The following UNC13A variants were observed in gnomAD, a reference collection of about 807,000 sequenced individuals.
The protein encoded by UNC13A is unc-13 homolog A, also known as protein unc-13 homolog A.
In UNC13A, 61 loss-of-function variants were observed where a neutral mutation model predicts 219.7. That is an observed-to-expected ratio of 0.28 (90% CI 0.23 to 0.34). The LOEUF is 0.34. UNC13A is among the 10% of genes least tolerant of loss of function. UNC13A has a pLI of 1.00. For synonymous variants in UNC13A, 920 were observed against 884.6 expected (o/e 1.04, Z -0.71); for missense variants, 1,476 against 2,270.3 (o/e 0.65, Z 7.11).
At chr19:17,623,742 C>T (rs2076754466) in intron 35 of UNC13A, among the ~76,000 whole-genome samples, 195 bp from the exon 36 acceptor site, 1 of 152,032 alleles carries the variant, frequency 6.6e-6, no homozygotes, top group African/African-American at 2.4e-5. Flanking sequence ...GGCCCCCGCT[C>T]ACCCTCCCCA....
chr19:17,637,264 T>C (rs2145028485), intron 25 of UNC13A, among the ~76,000 whole-genome samples: 1 of 151,584 alleles, frequency 6.6e-6, no homozygotes, highest in South Asian at 2.1e-4. Context: ...TGTGAGCCAC[T>C]GAGCCCAGCC....
intron 9 of UNC13A, 80 bp from the exon 10 acceptor site, chr19:17,656,478 C>T (rs2079456819): frequency 1.5e-6 from 2 of 1,342,684 alleles, no homozygotes; most frequent in East Asian, 2.5e-5. Flanking sequence ...GGCATTGACT[C>T]ATCACCGACT....
At position 17,673,797 on chromosome 19, in the gene UNC13A, G is replaced by C. The variant is rs150222646; in HGVS notation, c.152+860C>G. On this transcript the variant is annotated intron_variant, in intron 3 of 43. Coordinates refer to ENST00000519716, the MANE Select transcript of UNC13A (RefSeq NM_001080421.3). ...AGGCTGAGGTGGGCGGATCACCTGA[G>C]TCCAGGAGTTTGAGACTAGCCTGGC... Among the ~76,000 whole-genome samples, 383 of 152,070 alleles carry C rather than the reference G, an allele frequency of 2.5e-3. 4 individuals are homozygous for C. The highest frequency in any genetic ancestry group is 8.7e-3 in the African/African-American group (362 of 41,478).
chr19:17,640,071 G>A (rs1180885493), intron 22 of UNC13A, among the ~76,000 whole-genome samples, 163 bp from the exon 23 acceptor site: 1 of 151,212 alleles, frequency 6.6e-6, no homozygotes. Context: ...GTCTTGCTCT[G>A]TTGCCCAGGC....
At chr19:17,658,370 G>A (rs1337674421) in intron 8 of UNC13A, 101 bp from the exon 9 acceptor site, 3 of 1,169,372 alleles carry the variant, frequency 2.6e-6, no homozygotes, top group South Asian at 1.4e-5. Context: ...TACCGAAGAA[G>A]AGAATTTTTT....
rs960542188 is a variant in UNC13A at position 17,626,480 on chromosome 19, C to T, written c.4073+153G>A. 26 of 769,120 alleles carry T rather than the reference C, an allele frequency of 3.4e-5. No individual in the cohort carries two copies. The Middle Eastern group carries it at 1.2e-3, about 35-fold the overall frequency. The allele number at this position is 769,120 out of a possible 1,614,324, so 47.6% of individuals were successfully genotyped here. On this transcript the variant is annotated intron_variant, in intron 34 of 43. Transcript: ENST00000519716. ...CCAATTATTTACCCACCCAACTTTCCATCCCCTTCATGCCACCATCTACTC... is the reference window on the plus strand; with the variant it reads ...CCAATTATTTACCCACCCAACTTTCTATCCCCTTCATGCCACCATCTACTC...
At chr19:17,631,760 T>A (rs1160554912) in intron 28 of UNC13A, among the ~76,000 whole-genome samples, 2 of 152,198 alleles carry the variant, frequency 1.3e-5, no homozygotes, top group African/African-American at 2.4e-5. Flanking sequence ...TTATTTATTT[T>A]TTGAAATGGA....
intron 9 of UNC13A, among the ~76,000 whole-genome samples, 190 bp downstream of exon 9, chr19:17,657,867 TAAAAA>T (rs971430450): frequency 8.2e-6 from 1 of 121,582 alleles, no homozygotes; most frequent in African/African-American, 3.2e-5. Context: ...AGACTCTGTC[TAAAAA>T]AAAAAGAAAA....
chr19:17,614,903 T>C (rs919810488), intron 41 of UNC13A, among the ~76,000 whole-genome samples: 2 of 152,036 alleles, frequency 1.3e-5, no homozygotes, highest in African/African-American at 4.8e-5. Flanking sequence ...CCAGGGGGAA[T>C]TGGACAGTGG....
At chr19:17,650,374 C>T (rs1259205305) in intron 12 of UNC13A, among the ~76,000 whole-genome samples, 1 of 151,886 alleles carries the variant, frequency 6.6e-6, no homozygotes, top group African/African-American at 2.4e-5. Flanking sequence ...ATTAGCCAGG[C>T]ATGGTAGTGC....
intron 39 of UNC13A, among the ~76,000 whole-genome samples, 171 bp downstream of exon 39, chr19:17,618,735 C>G (rs2076694560): frequency 6.6e-6 from 1 of 152,174 alleles, no homozygotes; most frequent in Non-Finnish European, 1.5e-5. Context: ...TCACATCTTT[C>G]TGACACACTG....
chr19:17,609,155 A>C (rs2076574858), intron 43 of UNC13A, among the ~76,000 whole-genome samples: 1 of 139,382 alleles, frequency 7.2e-6, no homozygotes, highest in African/African-American at 2.7e-5. Flanking sequence ...TTTTTAGTAG[A>C]GACGGGGTTT....
Position 17,640,643 on chromosome 19 carries a change from G to T in UNC13A, c.2655C>A (p.Ser885=). Residue 885 remains serine (S), a synonymous_variant, in exon 22 of 44, where the codon TCC becomes TCA. Transcript: ENST00000519716. ...GCACCCCTGGGCACATATACTTGGA[G>T]GAGAGGCAGGCAAAGTGGCTGGAGA... is the stretch of plus-strand genomic sequence containing the variant. ...YQAMTHFACL[S]SKYMCPGVPA... 1 of 1,591,328 alleles carries T rather than the reference G, an allele frequency of 6.3e-7. No homozygotes were observed. The highest frequency in any genetic ancestry group is 1.2e-5 in the South Asian group (1 of 86,820).
At chr19:17,638,859 C>G (rs2076938475) in intron 25 of UNC13A, among the ~76,000 whole-genome samples, 1 of 151,866 alleles carries the variant, frequency 6.6e-6, no homozygotes, top group South Asian at 2.1e-4. Flanking sequence ...TTATGCCAAA[C>G]TCAACTACGC....
chr19:17,620,821 G>T, intron 37 of UNC13A, 99 bp from the exon 38 acceptor site: 2 of 1,393,740 alleles, frequency 1.4e-6, no homozygotes, highest in Non-Finnish European at 2.0e-6. Flanking sequence ...TCACTTCCCA[G>T]CCCAGGAGCT....
chr19:17,661,908 G>A (rs952318021), intron 8 of UNC13A, among the ~76,000 whole-genome samples: 1 of 151,914 alleles, frequency 6.6e-6, no homozygotes, highest in Admixed American at 6.6e-5. Context: ...TCACATTACC[G>A]CCTGAGTTCC....
At chr19:17,634,427 C>T (rs1000630274) in intron 26 of UNC13A, among the ~76,000 whole-genome samples, 5 of 152,072 alleles carry the variant, frequency 3.3e-5, no homozygotes, top group African/African-American at 1.2e-4. Flanking sequence ...CAACCTCCAC[C>T]ACCCGGGCTC....
At chr19:17,685,167 G>A (rs12985016) in intron 1 of UNC13A, among the ~76,000 whole-genome samples, 15,505 of 151,946 alleles carry the variant, frequency 0.1, 980 homozygotes, top group South Asian at 0.24. Flanking sequence ...ATATGTATGG[G>A]TACATGTCTG....
In UNC13A at chr19:17,647,471, T is replaced by C; in HGVS notation, c.1838A>G (p.Lys613Arg). ...CLQRAAEKSS[K>R]HGAEDRTQNI... Reference sequence around the variant, plus strand: ...CTGTGTCCGGTCCTCCGCCCCGTGCTTGGAGCTCTTCTCCGCAGCCCCTGA... The same window carrying C: ...CTGTGTCCGGTCCTCCGCCCCGTGCCTGGAGCTCTTCTCCGCAGCCCCTGA... The change falls in exon 17 of 44, where the codon AAG becomes AGG. Residue 613 changes from lysine to arginine, a missense_variant. This residue lies in a region of UNC13A where 85 missense variants were observed against 211.5 expected (regional missense o/e 0.40). Coordinates refer to ENST00000519716, the MANE Select transcript of UNC13A (RefSeq NM_001080421.3). 4 of 1,613,030 alleles carry C rather than the reference T, an allele frequency of 2.5e-6. No homozygotes were observed. Among genetic ancestry groups the C allele is most frequent in the Non-Finnish European group, 3.4e-6 (4 of 1,179,712 alleles).
Sources: allele counts gnomAD v4.1 joint callset (sites outside exome capture counted in the v4.1 genomes callset), GRCh38; gene constraint gnomAD v4.1.1; regional missense constraint gnomAD v4.1.1; transcripts MANE v1.5; gene names NCBI Gene and HGNC (gene_info 2026-07-23, HGNC 2026-07-21).